Variants in HIP1R observed in about 807,000 individuals in gnomAD.
HIP1R encodes the protein huntingtin interacting protein 1 related.
HIP1R carries 135 observed loss-of-function variants against 144.2 expected under a neutral mutation model. The ratio of observed to expected loss-of-function variants is 0.94; its 90% CI spans 0.81 to 1.08. HIP1R has a LOEUF of 1.08. HIP1R is among the 50% of genes least tolerant of loss of function. The pLI, the probability that HIP1R is intolerant of heterozygous loss-of-function variation, is 0.00. For synonymous variants in HIP1R, 698 were observed against 612.8 expected, an observed-to-expected ratio of 1.14 and a Z score of -2.05; for missense variants, 1,462 against 1,432.8, an observed-to-expected ratio of 1.02 and a Z score of -0.33.
intron 1 of HIP1R, among the ~76,000 whole-genome samples, chr12:122,839,390 C>T (rs1260032227): frequency 6.6e-6 from 1 of 152,212 alleles, no homozygotes; most frequent in Admixed American, 6.5e-5. Context: ...TGAGCCAAGT[C>T]TGGCGGGTGA....
At position 122,848,992 on chromosome 12, in the gene HIP1R, G is replaced by A. The variant is rs547662821; in HGVS notation, c.357+140G>A. On this transcript the variant is annotated intron_variant, in intron 4 of 31. Transcript: ENST00000253083. ...GGGGCGACAGTGGGAGGGGCAGCAC[G>A]GGGAGATGCTGCCTGCCTTTGAGGG... is the stretch of plus-strand genomic sequence containing the variant. 84 of 817,932 alleles carry A rather than the reference G, an allele frequency of 1.0e-4. 1 individual carries two copies. In the East Asian group the frequency reaches 1.6e-3, roughly 16 times the overall value. 50.7% of individuals were successfully genotyped at this position (817,932 alleles called of 1,614,324 possible).
chr12:122,858,050 TCCTTGG>T (rs200827046), intron 18 of HIP1R, 46 bp from the exon 19 acceptor site: 34,255 of 1,486,134 alleles, frequency 0.023, 547 homozygotes, highest in South Asian at 0.037. Context: ...CTGGGGCACA[TCCTTGG>T]CCTTGGGGAG....
At chr12:122,835,064 AAGG>A (rs989063612), upstream of HIP1R, 13 of 1,191,868 alleles carry the variant, frequency 1.1e-5, no homozygotes, top group Admixed American at 2.8e-4. Flanking sequence ...CCCTGGGTGG[AAGG>A]AGGAGGGAGG....
Position 122,858,914 on chromosome 12 carries a change from C to A in HIP1R, c.2127C>A (p.Thr709=). The change falls in exon 21 of 32, where the codon ACC becomes ACA. Residue 709 remains threonine, a synonymous_variant. Transcript: ENST00000253083. The part of the protein sequence containing the change: ...AADTIINGGA[T]SHLAPTDPAD... ...ATACCATCATCAATGGCGGTGCCACCTCGCACCTGGCTCCCACCGACCCTG... is the reference window on the plus strand; with the variant it reads ...ATACCATCATCAATGGCGGTGCCACATCGCACCTGGCTCCCACCGACCCTG... The A allele has an allele frequency of 6.2e-7, 1 of 1,613,142 alleles. No individual in the cohort carries two copies. Among genetic ancestry groups the A allele is most frequent in the Non-Finnish European group, 8.5e-7 (1 of 1,180,002 alleles).
chr12:122,856,805 A>G (rs530314868), intron 17 of HIP1R, 79 bp downstream of exon 17: 4 of 1,275,068 alleles, frequency 3.1e-6, no homozygotes, highest in Non-Finnish European at 4.4e-6. Flanking sequence ...TCCCGTGAAC[A>G]GGCCCCACCT....
Position 122,855,148 on chromosome 12 carries a change from C to A in HIP1R, c.852+20C>A. On this transcript the variant is annotated intron_variant, in intron 10 of 31. Coordinates refer to ENST00000253083, the MANE Select transcript of HIP1R (RefSeq NM_003959.3). ...CCCGAGGTACCACCCCCAAGAGGGC[C>A]CCGAGGCCCTTTGAGGACCCCAGGC... The A allele has an allele frequency of 6.2e-7, 1 of 1,611,018 alleles. No individual in the cohort carries two copies. Among genetic ancestry groups the A allele is most frequent in the Non-Finnish European group, 8.5e-7 (1 of 1,178,242 alleles).
At position 122,848,596 on chromosome 12, in the gene HIP1R, C is replaced by T. The variant is rs760837852; in HGVS notation, c.288C>T (p.Asp96=). ...FCHVLHKVLR[D]GHPNVLHDCQ... ...ACGTCCTCCACAAGGTCCTTCGAGACGGGCACCCCAATGTGAGTAGCAGCT... is the reference window on the plus strand; with the variant it reads ...ACGTCCTCCACAAGGTCCTTCGAGATGGGCACCCCAATGTGAGTAGCAGCT... Residue 96 remains aspartate (D), a synonymous_variant, in exon 3 of 32, where the codon GAC becomes GAT. Coordinates refer to ENST00000253083, the MANE Select transcript of HIP1R (RefSeq NM_003959.3). 36 of 1,611,840 alleles carry T rather than the reference C, an allele frequency of 2.2e-5. No homozygotes were observed. The highest frequency in any genetic ancestry group is 1.7e-4 in the Middle Eastern group (1 of 6,058).
chr12:122,847,304 G>A (rs374587857), intron 1 of HIP1R, among the ~76,000 whole-genome samples: 8 of 132,506 alleles, frequency 6.0e-5, no homozygotes, highest in Non-Finnish European at 1.1e-4. Context: ...TAGCCGGGGC[G>A]GGGGGGGAGG....
chr12:122,858,804 C>T (rs531536014), intron 20 of HIP1R, 34 bp from the exon 21 acceptor site: 1 of 1,435,208 alleles, frequency 7.0e-7, no homozygotes, highest in Non-Finnish European at 9.8e-7. Flanking sequence ...TCAGTGTCAT[C>T]CTCCCCCAAC....
rs1218682603 is a variant in HIP1R, at chr12:122,861,283, GGCTGA to G, written c.2953-22_2953-18del. ...AGAGCTCCCTGGGGAGGCTGGGCTGGGCTGAGCAGGCCGTGTGGCTACAGGTGCGT... is the reference window on the plus strand; with the variant it reads ...AGAGCTCCCTGGGGAGGCTGGGCTGGGCAGGCCGTGTGGCTACAGGTGCGT... On this transcript the variant is annotated intron_variant, in intron 30 of 31. Coordinates refer to ENST00000253083, the MANE Select transcript of HIP1R (RefSeq NM_003959.3). 1.9e-6 allele frequency: 3 copies of G among 1,613,516 alleles called. No homozygotes were observed. Among genetic ancestry groups the G allele is most frequent in the East Asian group, 4.5e-5 (2 of 44,846 alleles).
Position 122,858,234 on chromosome 12 carries a change from T to G in HIP1R, c.1948T>G (p.Cys650Gly), listed in dbSNP as rs2033654984. Reference protein sequence around the residue: ...SKLDDPLHLRCTSSPDYLVSR... With the variant: ...SKLDDPLHLRGTSSPDYLVSR... ...GCTGGACGACCCCCTGCACCTGCGC[T>G]GTACCAGCTCCCCAGGTAGACAGTG... The change falls in exon 19 of 32, where the codon TGT becomes GGT. Residue 650 changes from cysteine (C) to glycine (G), a missense_variant. Around this residue, in one of 2 missense-constraint regions of HIP1R, gnomAD observed 1,112 missense variants for 1,011.7 expected, o/e 1.10. Coordinates refer to ENST00000253083, the MANE Select transcript of HIP1R (RefSeq NM_003959.3). 6.3e-7 allele frequency: 1 copy of G among 1,597,794 alleles called. No individual in the cohort carries two copies. Among genetic ancestry groups the G allele is most frequent in the South Asian group, 1.1e-5 (1 of 89,798 alleles).
chr12:122,861,067 C>T (rs766282418), intron 29 of HIP1R, 28 bp downstream of exon 29: 1 of 1,613,552 alleles, frequency 6.2e-7, no homozygotes, highest in Admixed American at 1.7e-5. Context: ...ACGGGGGCTG[C>T]TGGCTCCCGA....
chr12:122,859,852 C>T, intron 24 of HIP1R, 22 bp downstream of exon 24: 1 of 1,608,064 alleles, frequency 6.2e-7, no homozygotes, highest in Non-Finnish European at 8.5e-7. Context: ...TTCTGTCCCC[C>T]CAGGCCCAGC....
rs760129648 is a variant in HIP1R at position 122,855,327 on chromosome 12, C to G, written c.915C>G (p.Ile305Met). ...LAEHIKPVVV[I>M]PEEAPEDEEP... ...AGCACATCAAGCCGGTGGTGGTGAT[C>G]CCCGAGGAGGCCCCGGAAGATGAGG... is the stretch of plus-strand genomic sequence containing the variant. The change falls in exon 11 of 32, where the codon ATC (isoleucine) becomes ATG (methionine). Residue 305 changes from isoleucine to methionine, a missense_variant. Physicochemically the swap from Ile to Met is conservative, Grantham distance 10. This residue lies in a region of HIP1R where 350 missense variants were observed against 421.1 expected (regional missense o/e 0.83). Coordinates refer to ENST00000253083, the MANE Select transcript of HIP1R (RefSeq NM_003959.3). The G allele has an allele frequency of 6.2e-7, 1 of 1,611,876 alleles. No individual in the cohort carries two copies.
At chr12:122,843,832 G>T (rs1034775760) in intron 1 of HIP1R, among the ~76,000 whole-genome samples, 2 of 152,174 alleles carry the variant, frequency 1.3e-5, no homozygotes, top group African/African-American at 4.8e-5. Context: ...GGTGTCTCAC[G>T]GCGCTGTGGA....
At chr12:122,838,611 A>AAG (rs1192162722) in intron 1 of HIP1R, among the ~76,000 whole-genome samples, 5 of 152,200 alleles carry the variant, frequency 3.3e-5, no homozygotes, top group African/African-American at 1.2e-4. Flanking sequence ...TGTAAGGTGT[A>AAG]AGAGAGAGAC....
rs200083960 is a variant in HIP1R, at chr12:122,837,318, A to ATT, written c.93+1692_93+1693dup. Among the ~76,000 whole-genome samples the ATT allele has an allele frequency of 4.4e-4, 61 of 140,154 alleles. 1 individual carries two copies. In the South Asian group the frequency reaches 5.9e-3, roughly 14 times the overall value. 91.9% of individuals were successfully genotyped at this position (140,154 alleles called of 152,430 possible). On this transcript the variant is annotated intron_variant, in intron 1 of 31. Coordinates refer to ENST00000253083, the MANE Select transcript of HIP1R (RefSeq NM_003959.3). Reference sequence around the variant, plus strand: ...GTTGGTTTGATACACAAGAAGGTGGATTTTTTTTTTTTTTTTTTAAAGACA... The same window carrying ATT: ...GTTGGTTTGATACACAAGAAGGTGGATTTTTTTTTTTTTTTTTTTTAAAGACA...
chr12:122,849,124 G>A (rs578198893), intron 4 of HIP1R, among the ~76,000 whole-genome samples: 191 of 152,370 alleles, frequency 1.3e-3, no homozygotes, highest in African/African-American at 4.2e-3. Flanking sequence ...ACCACAGCCC[G>A]GGCACCTCGG....
chr12:122,856,449 G>C lies in HIP1R; in HGVS notation c.1419G>C (p.Lys473Asn). ...ELLRKNADTA[K>N]QLTVTQQSQE... is the part of the protein sequence containing the mutation. ...CCATGCAGAACGCGGACACAGCCAA[G>C]CAGCTGACGGTGACGCAGCAAAGCC... The change falls in exon 16 of 32, where the codon AAG becomes AAC. Residue 473 changes from lysine (K) to asparagine (N), a missense_variant. This residue lies in a region of HIP1R where 1,112 missense variants were observed against 1,011.7 expected (regional missense o/e 1.10). Transcript: ENST00000253083. 1 of 1,591,386 alleles carries C rather than the reference G, an allele frequency of 6.3e-7. No homozygotes were observed. Among genetic ancestry groups the C allele is most frequent in the Non-Finnish European group, 8.6e-7 (1 of 1,168,746 alleles).
Sources: gnomAD v4.1 joint callset for allele counts (sites outside exome capture counted in the v4.1 genomes callset) on GRCh38, gnomAD v4.1.1 for gene constraint, gnomAD v4.1.1 regional missense constraint, MANE v1.5 for transcripts, NCBI Gene and HGNC (gene_info 2026-07-23, HGNC 2026-07-21) for gene names.